The following TBC1D14 variants were observed in gnomAD, a reference collection of about 807,000 sequenced individuals.
TBC1D14 encodes TBC1 domain family, member 14.
In TBC1D14, 26 loss-of-function variants were observed where a neutral mutation model predicts 79.0. The observed-to-expected ratio is 0.33, with a 90% CI of 0.24 to 0.46. The LOEUF (loss-of-function observed/expected upper bound fraction) is 0.46, where lower values mean the gene tolerates loss of function less well. Ranked by LOEUF, TBC1D14 falls within the 20% of genes least tolerant of loss-of-function variation. The pLI, the probability that TBC1D14 is intolerant of heterozygous loss-of-function variation, is 1.00. For synonymous variants in TBC1D14, 394 were observed against 349.9 expected, an observed-to-expected ratio of 1.13 and a Z score of -1.40; for missense variants, 769 against 887.6, an observed-to-expected ratio of 0.87 and a Z score of 1.70.
chr4:6,918,905 T>A (rs1172894900), intron 1 of TBC1D14, among the ~76,000 whole-genome samples: 1 of 152,202 alleles, frequency 6.6e-6, no homozygotes, highest in East Asian at 1.9e-4. Context: ...TATCTTACTT[T>A]TGTGAATTCT....
intron 3 of TBC1D14, among the ~76,000 whole-genome samples, chr4:6,972,109 C>CT (rs755212678): frequency 2.6e-5 from 4 of 152,298 alleles, no homozygotes; most frequent in Non-Finnish European, 5.9e-5. Context: ...GGGGAACCTT[C>CT]TTTCTTGGAT....
chr4:7,023,161 C>T (rs1721996541), intron 12 of TBC1D14, among the ~76,000 whole-genome samples: 1 of 152,066 alleles, frequency 6.6e-6, no homozygotes, highest in Non-Finnish European at 1.5e-5. Flanking sequence ...GGCTGAGGCA[C>T]AGAATTGCTT....
At chr4:7,014,195 ACT>A (rs1369800496) in intron 11 of TBC1D14, among the ~76,000 whole-genome samples, 1 of 152,180 alleles carries the variant, frequency 6.6e-6, no homozygotes, top group African/African-American at 2.4e-5. Context: ...AAGTTCCATA[ACT>A]GCTTTGGGTT....
At chr4:6,961,187 G>A (rs543120869) in intron 2 of TBC1D14, among the ~76,000 whole-genome samples, 1 of 141,512 alleles carries the variant, frequency 7.1e-6, no homozygotes, top group Admixed American at 7.4e-5. Flanking sequence ...GTGCAAAAGT[G>A]CTTCTGCCTC....
rs117589153 is a variant in TBC1D14 at position 7,012,922 on chromosome 4, A to G, written c.1648-1526A>G. 1.7e-3 allele frequency among the ~76,000 whole-genome samples: 265 copies of G among 152,342 alleles called. 3 individuals are homozygous for G. The highest frequency in any genetic ancestry group is 2.3e-3 in the East Asian group (12 of 5,192). On this transcript the variant is annotated intron_variant, in intron 11 of 13. Coordinates refer to ENST00000409757, the MANE Select transcript of TBC1D14 (RefSeq NM_020773.3). ...CATTGGCACAGTATATACTGGCCTT[A>G]CGTTGCTTGTGATATTAATTCCTGA...
chr4:7,009,987 T>C, intron 10 of TBC1D14, 39 bp downstream of exon 10: 2 of 1,608,780 alleles, frequency 1.2e-6, no homozygotes, highest in East Asian at 2.2e-5. Context: ...TGTTGTTATC[T>C]AAAAAGAAAG....
intron 9 of TBC1D14, among the ~76,000 whole-genome samples, chr4:7,008,188 A>G (rs541763820): frequency 6.6e-6 from 1 of 152,324 alleles, no homozygotes; most frequent in Non-Finnish European, 1.5e-5. Context: ...TCAAAGGGCC[A>G]TATCCTACCA....
intron 2 of TBC1D14, among the ~76,000 whole-genome samples, chr4:6,939,404 AC>A (rs896126867): frequency 2.7e-5 from 4 of 149,234 alleles, no homozygotes; most frequent in African/African-American, 5.0e-5. Context: ...GCGCAATGCC[AC>A]CCGACCAGGT....
chr4:7,027,596 T>TAC (rs1191500495), intron 13 of TBC1D14, among the ~76,000 whole-genome samples: 61 of 117,866 alleles, frequency 5.2e-4, no homozygotes, highest in African/African-American at 1.9e-3. Context: ...CACCCACGCA[T>TAC]ACAATTACCC....
At chr4:6,984,418 A>G (rs183392146) in intron 3 of TBC1D14, among the ~76,000 whole-genome samples, 66 of 152,322 alleles carry the variant, frequency 4.3e-4, no homozygotes, top group Non-Finnish European at 8.4e-4. Context: ...GTGCATAGAA[A>G]AAAGCCAGCA....
chr4:7,027,492 TCA>T (rs200079315), intron 13 of TBC1D14, among the ~76,000 whole-genome samples: 1,125 of 105,232 alleles, frequency 0.011, 28 homozygotes, highest in Non-Finnish European at 8.5e-3. Flanking sequence ...ACACCCACAG[TCA>T]CACCCCTACA....
At chr4:6,963,117 G>T (rs899253666) in intron 2 of TBC1D14, among the ~76,000 whole-genome samples, 4 of 152,266 alleles carry the variant, frequency 2.6e-5, no homozygotes, top group Non-Finnish European at 5.9e-5. Flanking sequence ...GGGAGCCCAG[G>T]CCCGGCAGCT....
At chr4:6,983,751 T>C (rs1398691609) in intron 3 of TBC1D14, among the ~76,000 whole-genome samples, 1 of 152,234 alleles carries the variant, frequency 6.6e-6, no homozygotes, top group African/African-American at 2.4e-5. Context: ...GTTGTTTAAT[T>C]TGCACTTTCC....
At chr4:6,956,902 C>T (rs1212051195) in intron 2 of TBC1D14, among the ~76,000 whole-genome samples, 6 of 152,226 alleles carry the variant, frequency 3.9e-5, no homozygotes, top group Admixed American at 1.3e-4. Flanking sequence ...AAGGTGGCCC[C>T]GGGAGTGGGA....
Position 7,025,037 on chromosome 4 carries a change from C to T in TBC1D14, c.1791C>T (p.Leu597=), listed in dbSNP as rs766993843. The T allele has an allele frequency of 8.7e-6, 14 of 1,614,092 alleles. No homozygotes were observed. The highest frequency in any genetic ancestry group is 6.7e-5 in the East Asian group (3 of 44,900). The change falls in exon 13 of 14, where the codon CTC becomes CTT. Residue 597 remains leucine (L), a synonymous_variant. Transcript: ENST00000409757. ...CCTTATATAGTAAATCTCTGCCCCT[C>T]GACCTGGCCTGTCGTATCTGGGACG... ...IFTLYSKSLP[L]DLACRIWDVF... is the part of the protein sequence containing the mutation.
At chr4:6,930,186 G>A (rs1362906768) in intron 2 of TBC1D14, among the ~76,000 whole-genome samples, 2 of 152,216 alleles carry the variant, frequency 1.3e-5, no homozygotes, top group Non-Finnish European at 2.9e-5. Context: ...GGTGGCGTCT[G>A]TCCGGGCACT....
intron 2 of TBC1D14, among the ~76,000 whole-genome samples, chr4:6,957,102 C>T (rs927639367): frequency 2.6e-5 from 4 of 152,204 alleles, no homozygotes; most frequent in African/African-American, 9.6e-5. Flanking sequence ...GTGGCGCCGG[C>T]CAGCTGTTCT....
chr4:6,923,616 C>T lies in TBC1D14; in HGVS notation c.227C>T (p.Pro76Leu), dbSNP rs752220496. ...SGIPTLEIGN[P>L]EPVPCSAVHV... ...ATTCCTACCCTGGAGATCGGGAACC[C>T]GGAGCCTGTACCCTGCAGCGCGGTC... The change falls in exon 2 of 14, where the codon CCG (proline) becomes CTG (leucine). Residue 76 changes from proline to leucine, a missense_variant. Coordinates refer to ENST00000409757, the MANE Select transcript of TBC1D14 (RefSeq NM_020773.3). 2.5e-6 allele frequency: 4 copies of T among 1,613,960 alleles called. No homozygotes were observed. Among genetic ancestry groups the T allele is most frequent in the Admixed American group, 1.7e-5 (1 of 60,022 alleles).
At chr4:6,994,864 CA>C (rs34072749) in intron 4 of TBC1D14, among the ~76,000 whole-genome samples, 16,053 of 105,224 alleles carry the variant, frequency 0.15, 1,016 homozygotes, top group Middle Eastern at 0.34. Flanking sequence ...AACTCCGTCT[CA>C]AAAAAAAAAA....
Sources: allele counts gnomAD v4.1 joint callset (sites outside exome capture counted in the v4.1 genomes callset), GRCh38; gene constraint gnomAD v4.1.1; transcripts MANE v1.5; gene names NCBI Gene and HGNC (gene_info 2026-07-23, HGNC 2026-07-21).